Variants in ENOX1 observed in about 807,000 individuals in gnomAD.
The protein encoded by ENOX1 is candidate growth-related and time keeping constitutive hydroquinone (NADH) oxidase.
In ENOX1, 42 loss-of-function variants were observed where a neutral mutation model predicts 82.5. The observed-to-expected ratio is 0.51, with a 90% CI of 0.40 to 0.66. ENOX1 has a LOEUF of 0.66. Ranked by LOEUF, ENOX1 falls within the 30% of genes least tolerant of loss-of-function variation. The probability of loss-of-function intolerance (pLI) is 0.00; values close to 1 mark genes in which losing one functional copy is unlikely to be tolerated. For synonymous variants in ENOX1, 271 were observed against 282.2 expected (o/e 0.96, Z 0.40); for missense variants, 608 against 811.6 (o/e 0.75, Z 3.05).
chr13:43,555,643 C>T (rs1012131751), intron 2 of ENOX1, among the ~76,000 whole-genome samples: 4 of 152,128 alleles, frequency 2.6e-5, no homozygotes, highest in Non-Finnish European at 2.9e-5. Flanking sequence ...TGGAGAAAAC[C>T]TCAGTCTACC....
At chr13:43,339,116 A>C (rs142040818) in intron 9 of ENOX1, among the ~76,000 whole-genome samples, 3 of 152,254 alleles carry the variant, frequency 2.0e-5, no homozygotes, top group Admixed American at 2.0e-4. Context: ...ACTTTCATAA[A>C]TACGGGCAGA....
chr13:43,412,901 C>T lies in ENOX1; in HGVS notation c.14G>A (p.Gly5Asp), dbSNP rs760876677. 3 of 1,614,040 alleles carry T rather than the reference C, an allele frequency of 1.9e-6. No homozygotes were observed. The highest frequency in any genetic ancestry group is 2.5e-6 in the Non-Finnish European group (3 of 1,179,998). The change falls in exon 4 of 17, where the codon GGT becomes GAT. Residue 5 changes from glycine to aspartate, a missense_variant. Physicochemically the swap from Gly to Asp is moderately conservative, Grantham distance 94. Transcript: ENST00000690772. The part of the protein sequence containing the change: MVDA[G>D]GVENITQLPQ... Reference sequence around the variant, plus strand: ...AAGCTGGGTGATGTTCTCAACTCCACCTGCATCTACCATTGAATTATGAGT... The same window carrying T: ...AAGCTGGGTGATGTTCTCAACTCCATCTGCATCTACCATTGAATTATGAGT...
intron 12 of ENOX1, among the ~76,000 whole-genome samples, chr13:43,273,244 T>G (rs1278451924): frequency 6.6e-6 from 1 of 152,118 alleles, no homozygotes; most frequent in East Asian, 1.9e-4. Flanking sequence ...TCTTTGCCGG[T>G]TCCTTGACCT....
intron 5 of ENOX1, among the ~76,000 whole-genome samples, chr13:43,383,522 T>C (rs1249333285): frequency 1.3e-5 from 2 of 152,222 alleles, no homozygotes; most frequent in African/African-American, 2.4e-5. Flanking sequence ...TTGCAATCCA[T>C]AGGAAATCCA....
chr13:43,506,436 C>T (rs1250529094), intron 2 of ENOX1, among the ~76,000 whole-genome samples: 2 of 147,168 alleles, frequency 1.4e-5, no homozygotes, highest in African/African-American at 5.0e-5. Flanking sequence ...GGCGATTCCT[C>T]AGGGATCTAG....
chr13:43,358,743 CA>C (rs2050308006), intron 7 of ENOX1, among the ~76,000 whole-genome samples: 1 of 152,200 alleles, frequency 6.6e-6, no homozygotes, highest in Non-Finnish European at 1.5e-5. Flanking sequence ...AAAATGGAGG[CA>C]GGCTCTAGGC....
intron 12 of ENOX1, among the ~76,000 whole-genome samples, chr13:43,285,034 T>C (rs955138116): frequency 6.6e-6 from 1 of 152,178 alleles, no homozygotes; most frequent in Non-Finnish European, 1.5e-5. Context: ...AACTTGACCA[T>C]GCAGGGTGTA....
intron 1 of ENOX1, among the ~76,000 whole-genome samples, chr13:43,681,812 T>C (rs530699412): frequency 1.1e-3 from 170 of 151,970 alleles, no homozygotes; most frequent in Middle Eastern, 6.8e-3. Context: ...TATTAAATAT[T>C]AAAAGGCTCT....
intron 12 of ENOX1, among the ~76,000 whole-genome samples, chr13:43,270,868 T>C (rs7332948): frequency 0.98 from 149,473 of 152,322 alleles, 73,419 homozygotes; most frequent in East Asian, 1. Flanking sequence ...ACACATTCCA[T>C]ATGCGCTCAC....
intron 12 of ENOX1, among the ~76,000 whole-genome samples, chr13:43,279,932 G>C (rs939710034): frequency 6.6e-6 from 1 of 152,216 alleles, no homozygotes; most frequent in African/African-American, 2.4e-5. Context: ...ACAAGAGAAG[G>C]TGTCAAATAC....
chr13:43,720,057 AGT>A (rs1205884476), intron 1 of ENOX1, among the ~76,000 whole-genome samples: 1 of 151,898 alleles, frequency 6.6e-6, no homozygotes, highest in Admixed American at 6.6e-5. Flanking sequence ...GACAGAGAAC[AGT>A]GTTTCATTTT....
chr13:43,707,507 G>A (rs7997149), intron 1 of ENOX1, among the ~76,000 whole-genome samples: 14,327 of 152,066 alleles, frequency 0.094, 1,107 homozygotes, highest in East Asian at 0.27. Flanking sequence ...AGGCCAAGGC[G>A]GGCGGATCAT....
chr13:43,446,168 G>GT lies in ENOX1; in HGVS notation c.-74-33181dup, dbSNP rs148902875. On this transcript the variant is annotated intron_variant, in intron 3 of 16. Transcript: ENST00000690772. ...TTCTTGTGGGTTTGTCCTGTGCCTTGTTTTTTTTTTTTCATTAAGTGCCAA... is the reference window on the plus strand; with the variant it reads ...TTCTTGTGGGTTTGTCCTGTGCCTTGTTTTTTTTTTTTTCATTAAGTGCCAA... 7.1e-3 allele frequency among the ~76,000 whole-genome samples: 1,017 copies of GT among 143,056 alleles called. 8 individuals are homozygous for GT. The highest frequency in any genetic ancestry group is 0.015 in the African/African-American group (607 of 39,280). 93.9% of individuals were successfully genotyped at this position (143,056 alleles called of 152,430 possible).
chr13:43,554,216 G>A (rs2079334311), intron 2 of ENOX1, among the ~76,000 whole-genome samples: 1 of 152,138 alleles, frequency 6.6e-6, no homozygotes, highest in East Asian at 1.9e-4. Flanking sequence ...CATATGGAAT[G>A]CGAAAGGCAG....
At chr13:43,622,462 C>G (rs1385758191) in intron 2 of ENOX1, among the ~76,000 whole-genome samples, 1 of 152,224 alleles carries the variant, frequency 6.6e-6, no homozygotes. Flanking sequence ...TACTCTCCCC[C>G]TTTTCCTATG....
intron 2 of ENOX1, among the ~76,000 whole-genome samples, chr13:43,635,858 A>G (rs1316178735): frequency 6.6e-6 from 1 of 152,146 alleles, no homozygotes; most frequent in Non-Finnish European, 1.5e-5. Context: ...AAGAACAGCT[A>G]GTTTCAGGAA....
intron 1 of ENOX1, among the ~76,000 whole-genome samples, chr13:43,743,029 T>C (rs981468359): frequency 6.6e-6 from 1 of 152,174 alleles, no homozygotes; most frequent in African/African-American, 2.4e-5. Context: ...CTAGTTAATG[T>C]TCCTTTACAG....
intron 1 of ENOX1, among the ~76,000 whole-genome samples, chr13:43,671,889 A>C (rs956749105): frequency 1.3e-5 from 2 of 152,202 alleles, no homozygotes; most frequent in Non-Finnish European, 2.9e-5. Context: ...AAAAGCCAGT[A>C]GTGGAAATTT....
At chr13:43,750,147 C>T (rs868066449) in intron 1 of ENOX1, among the ~76,000 whole-genome samples, 1 of 152,250 alleles carries the variant, frequency 6.6e-6, no homozygotes, top group Non-Finnish European at 1.5e-5. Context: ...AGTTTTCCAA[C>T]TCATAAGGCT....
Sources: allele counts gnomAD v4.1 joint callset (sites outside exome capture counted in the v4.1 genomes callset), GRCh38; gene constraint gnomAD v4.1.1; transcripts MANE v1.5; gene names NCBI Gene and HGNC (gene_info 2026-07-23, HGNC 2026-07-21).